The following TAFA2 variants were observed in gnomAD, a reference collection of about 807,000 sequenced individuals.
TAFA2 encodes the protein TAFA chemokine like family member 2.
In TAFA2, 7 loss-of-function variants were observed where a neutral mutation model predicts 18.8. The observed-to-expected ratio is 0.37, with a 90% CI of 0.21 to 0.70. The LOEUF is 0.70. Among genes scored for constraint, TAFA2 ranks in the 30% least tolerant of loss-of-function variants. TAFA2 has a pLI of 0.53. For synonymous variants in TAFA2, 60 were observed against 54.2 expected (o/e 1.11, Z -0.47); for missense variants, 122 against 158.1 (o/e 0.77, Z 1.23).
intron 1 of TAFA2, among the ~76,000 whole-genome samples, chr12:61,980,363 C>T (rs2136675705): frequency 6.6e-6 from 1 of 152,186 alleles, no homozygotes; most frequent in South Asian, 2.1e-4. Flanking sequence ...ACTGAATGGA[C>T]AAAAACTGGA....
At chr12:62,078,973 G>C (rs1399877560) in intron 1 of TAFA2, among the ~76,000 whole-genome samples, 1 of 152,170 alleles carries the variant, frequency 6.6e-6, no homozygotes, top group East Asian at 1.9e-4. Flanking sequence ...GATCCATGTA[G>C]TTCAGCTTAT....
chr12:61,725,411 T>A (rs1457637700), intron 4 of TAFA2, among the ~76,000 whole-genome samples: 1 of 152,136 alleles, frequency 6.6e-6, no homozygotes. Flanking sequence ...ATTTTTATGG[T>A]TTCATGTCTA....
intron 1 of TAFA2, among the ~76,000 whole-genome samples, chr12:62,107,178 G>C (rs567597136): frequency 2.6e-5 from 4 of 152,104 alleles, no homozygotes; most frequent in African/African-American, 9.6e-5. Flanking sequence ...AAATATCTCT[G>C]GTATTTCTCC....
At chr12:61,914,004 G>A (rs933900483) in intron 1 of TAFA2, among the ~76,000 whole-genome samples, 1 of 152,172 alleles carries the variant, frequency 6.6e-6, no homozygotes, top group Non-Finnish European at 1.5e-5. Context: ...AGGGCTTAAA[G>A]GGGAAAACCC....
At chr12:61,886,595 G>A (rs532508009) in intron 1 of TAFA2, among the ~76,000 whole-genome samples, 1 of 152,234 alleles carries the variant, frequency 6.6e-6, no homozygotes, top group South Asian at 2.1e-4. Context: ...TCCAGCACTG[G>A]GTCCGCAGAG....
At chr12:62,247,667 T>C (rs1350660132) in intron 1 of TAFA2, among the ~76,000 whole-genome samples, 1 of 152,222 alleles carries the variant, frequency 6.6e-6, no homozygotes, top group Admixed American at 6.5e-5. Flanking sequence ...ATATATTTTT[T>C]CCTTTTACCA....
intron 2 of TAFA2, among the ~76,000 whole-genome samples, chr12:61,777,316 T>G (rs1222309480): frequency 6.6e-6 from 1 of 151,896 alleles, no homozygotes; most frequent in Non-Finnish European, 1.5e-5. Context: ...AATCCTGTTT[T>G]GCAGTATTAT....
At chr12:62,161,366 T>C (rs1304272469) in intron 1 of TAFA2, among the ~76,000 whole-genome samples, 1 of 152,216 alleles carries the variant, frequency 6.6e-6, no homozygotes, top group Non-Finnish European at 1.5e-5. Flanking sequence ...GGAATACTAT[T>C]CAGCCATAAA....
At chr12:62,132,678 T>C (rs1166167936) in intron 1 of TAFA2, among the ~76,000 whole-genome samples, 1 of 151,920 alleles carries the variant, frequency 6.6e-6, no homozygotes, top group Non-Finnish European at 1.5e-5. Flanking sequence ...TTATATGGAA[T>C]TACCATGAAG....
intron 1 of TAFA2, among the ~76,000 whole-genome samples, chr12:62,017,546 C>T (rs888014527): frequency 6.6e-6 from 1 of 152,088 alleles, no homozygotes; most frequent in Non-Finnish European, 1.5e-5. Context: ...TTAAAATTAA[C>T]TCAACTAACC....
chr12:61,988,937 G>A (rs543476617), intron 1 of TAFA2, among the ~76,000 whole-genome samples: 1 of 152,180 alleles, frequency 6.6e-6, no homozygotes, highest in East Asian at 1.9e-4. Flanking sequence ...CTCCATATAT[G>A]GGCAGACTAC....
chr12:61,909,847 A>C, intron 1 of TAFA2, among the ~76,000 whole-genome samples: 1 of 152,182 alleles, frequency 6.6e-6, no homozygotes, highest in Non-Finnish European at 1.5e-5. Flanking sequence ...TTCCCTGAGA[A>C]GAATCTGCTT....
chr12:61,758,900 G>C (rs1869401099), intron 2 of TAFA2, among the ~76,000 whole-genome samples: 1 of 151,890 alleles, frequency 6.6e-6, no homozygotes, highest in African/African-American at 2.4e-5. Flanking sequence ...AGATGATTAG[G>C]GCTTCTTCAG....
At chr12:61,958,931 T>G (rs1285804887) in intron 1 of TAFA2, among the ~76,000 whole-genome samples, 5 of 152,032 alleles carry the variant, frequency 3.3e-5, no homozygotes, top group African/African-American at 4.8e-5. Flanking sequence ...AAATTTATTT[T>G]TGAACATGGT....
In TAFA2 at chr12:61,709,235, TA is replaced by T. The variant is rs2120523312; in HGVS notation, c.*1170del. On this transcript the variant is annotated 3_prime_UTR_variant, in exon 5 of 5. Transcript: ENST00000416284. Reference sequence around the variant, plus strand: ...TGACTTTCCTGTAGAACCAAAACCATAAACGTTAAAATCGCTACAAAAATGT... The same window carrying T: ...TGACTTTCCTGTAGAACCAAAACCATAACGTTAAAATCGCTACAAAAATGT... 6.6e-6 allele frequency: 1 copy of T among 152,542 alleles called. No individual in the cohort carries two copies. Among genetic ancestry groups the T allele is most frequent in the East Asian group, 1.9e-4 (1 of 5,174 alleles). 9.4% of individuals were successfully genotyped at this position (152,542 alleles called of 1,614,324 possible). A position where few individuals can be genotyped will look rare whatever the true frequency, so the allele number is the denominator to read the frequency against.
chr12:62,154,217 C>G (rs2062352636), intron 1 of TAFA2, among the ~76,000 whole-genome samples: 1 of 152,134 alleles, frequency 6.6e-6, no homozygotes, highest in South Asian at 2.1e-4. Flanking sequence ...GTCATAGTCA[C>G]TAGAGTTCTC....
chr12:62,121,468 T>C (rs1216610396), intron 1 of TAFA2, among the ~76,000 whole-genome samples: 2 of 152,214 alleles, frequency 1.3e-5, no homozygotes, highest in African/African-American at 4.8e-5. Flanking sequence ...AAATAACGAA[T>C]TCCCATGAAT....
intron 1 of TAFA2, among the ~76,000 whole-genome samples, chr12:62,256,373 A>G (rs1249594973): frequency 2.6e-5 from 4 of 152,178 alleles, no homozygotes; most frequent in Non-Finnish European, 5.9e-5. Flanking sequence ...AGAAAATATA[A>G]TTTTGTTTGC....
intron 4 of TAFA2, among the ~76,000 whole-genome samples, chr12:61,733,123 G>GT (rs929414360): frequency 6.6e-6 from 1 of 152,002 alleles, no homozygotes; most frequent in Non-Finnish European, 1.5e-5. Flanking sequence ...GGGGTTGTTT[G>GT]TTTTTTTCTT....
Sources: gnomAD v4.1 joint callset for allele counts (sites outside exome capture counted in the v4.1 genomes callset) on GRCh38, gnomAD v4.1.1 for gene constraint, MANE v1.5 for transcripts, NCBI Gene and HGNC (gene_info 2026-07-23, HGNC 2026-07-21) for gene names.